Variants in CNTN4 observed in about 807,000 individuals in gnomAD.
The protein encoded by CNTN4 is contactin 4, also known as contactin-4.
Under a neutral mutation model 122.5 loss-of-function variants are expected in CNTN4, and 77 were observed. The observed-to-expected ratio is 0.63, with a 90% confidence interval of 0.52 to 0.76. The LOEUF (loss-of-function observed/expected upper bound fraction) is 0.76. Ranked by LOEUF, CNTN4 falls within the 30% of genes least tolerant of loss-of-function variation. The probability of loss-of-function intolerance (pLI) is 0.00; values close to 1 mark genes in which losing one functional copy is unlikely to be tolerated. For synonymous variants in CNTN4, 512 were observed against 447.0 expected, an observed-to-expected ratio of 1.15 and a Z score of -1.83; for missense variants, 1,256 against 1,259.1, an observed-to-expected ratio of 1.00 and a Z score of 0.04.
chr3:2,285,713 C>T (rs2041877523), intron 2 of CNTN4, among the ~76,000 whole-genome samples: 1 of 152,128 alleles, frequency 6.6e-6, no homozygotes. Flanking sequence ...AAGAGATCAT[C>T]ACTAATGTCA....
chr3:2,206,783 A>G (rs1385052231), intron 2 of CNTN4, among the ~76,000 whole-genome samples: 1 of 152,018 alleles, frequency 6.6e-6, no homozygotes, highest in Non-Finnish European at 1.5e-5. Flanking sequence ...TTCATTTTTC[A>G]CATTTAGTCT....
intron 3 of CNTN4, among the ~76,000 whole-genome samples, chr3:2,431,458 G>T (rs2048066964): frequency 6.6e-6 from 1 of 152,164 alleles, no homozygotes; most frequent in Admixed American, 6.5e-5. Flanking sequence ...CATTGAAAAG[G>T]TGCTTTTGAT....
intron 3 of CNTN4, among the ~76,000 whole-genome samples, chr3:2,379,391 A>G (rs2045936545): frequency 6.6e-6 from 1 of 152,144 alleles, no homozygotes; most frequent in Non-Finnish European, 1.5e-5. Flanking sequence ...GATTCTGGGT[A>G]CTGATCCCAC....
At chr3:2,345,755 C>G (rs1566382) in intron 3 of CNTN4, among the ~76,000 whole-genome samples, 74,872 of 151,900 alleles carry the variant, frequency 0.49, 18,668 homozygotes, top group Admixed American at 0.52. Flanking sequence ...AGAAGCAGAG[C>G]TTATAGTTCC....
In CNTN4 at chr3:2,709,355, C is replaced by A. The variant is rs1194274276; in HGVS notation, c.56-26860C>A. ...ATCATCTGGGGGTCCTTAAAAAATA[C>A]TGATGCGTAGGTCTCACGCCTGGTT... On this transcript the variant is annotated intron_variant, in intron 4 of 24. Transcript: ENST00000418658. This position sits in a 1 kb window ranked among gnomAD's most constrained non-coding sequence, Gnocchi z 5.0. Among the ~76,000 whole-genome samples the A allele has an allele frequency of 6.6e-6, 1 of 152,104 alleles. No individual in the cohort carries two copies. Among genetic ancestry groups the A allele is most frequent in the African/African-American group, 2.4e-5 (1 of 41,420 alleles).
intron 6 of CNTN4, among the ~76,000 whole-genome samples, chr3:2,778,014 G>GAGA (rs368955950): frequency 6.6e-6 from 1 of 151,448 alleles, no homozygotes; most frequent in Non-Finnish European, 1.5e-5. Context: ...GGAGATCGAG[G>GAGA]CCATCCTGGC....
intron 2 of CNTN4, among the ~76,000 whole-genome samples, chr3:2,295,214 A>G (rs1338965567): frequency 1.4e-5 from 2 of 140,484 alleles, no homozygotes; most frequent in Non-Finnish European, 3.1e-5. Context: ...GGCTGGGTGA[A>G]ATGGTATTTC....
chr3:2,706,833 C>A (rs958174569), intron 4 of CNTN4, among the ~76,000 whole-genome samples: 2 of 152,102 alleles, frequency 1.3e-5, no homozygotes, highest in African/African-American at 4.8e-5. Context: ...CCTGGTATGA[C>A]CTTGGACAAG....
At chr3:2,430,503 T>G (rs1036497999) in intron 3 of CNTN4, among the ~76,000 whole-genome samples, 3 of 151,648 alleles carry the variant, frequency 2.0e-5, no homozygotes, top group African/African-American at 4.8e-5. Flanking sequence ...GCTGGAGCTG[T>G]TCCTAGTCGG....
intron 2 of CNTN4, among the ~76,000 whole-genome samples, chr3:2,135,254 A>G (rs1191716270): frequency 2.0e-5 from 3 of 152,164 alleles, no homozygotes; most frequent in Non-Finnish European, 4.4e-5. Context: ...AAAGCTCGAG[A>G]CAGGAAGAGA....
chr3:2,196,405 C>G lies in CNTN4; in HGVS notation c.-145+95766C>G, dbSNP rs1037666537. ...AGTATAATCTGAGAACATATTTGTT[C>G]TTTTATTCATTGGTTGGTTGGTTCA... is the stretch of plus-strand genomic sequence containing the variant. On this transcript the variant is annotated intron_variant, in intron 2 of 24. Transcript: ENST00000418658. 2.6e-5 allele frequency among the ~76,000 whole-genome samples: 4 copies of G among 152,220 alleles called. No individual in the cohort carries two copies. In the South Asian group the frequency reaches 8.3e-4, roughly 32 times the overall value.
At chr3:2,302,861 G>GTGC (rs10662266) in intron 2 of CNTN4, among the ~76,000 whole-genome samples, 49,513 of 151,982 alleles carry the variant, frequency 0.33, 9,002 homozygotes, top group East Asian at 0.52. Context: ...CACACTGTAT[G>GTGC]TGCTTCATTA....
Position 2,410,102 on chromosome 3 carries a change from A to C in CNTN4, c.-89+70869A>C, listed in dbSNP as rs78664537. ...TAGCACATGCTGGTTTATGAGGGGAAACAGAATTCAGTGGTGCACATTTAA... is the reference window on the plus strand; with the variant it reads ...TAGCACATGCTGGTTTATGAGGGGACACAGAATTCAGTGGTGCACATTTAA... On this transcript the variant is annotated intron_variant, in intron 3 of 24. Coordinates refer to ENST00000418658, the MANE Select transcript of CNTN4 (RefSeq NM_175607.3). Among the ~76,000 whole-genome samples the C allele has an allele frequency of 3.9e-3, 594 of 152,316 alleles. 4 individuals are homozygous for C. The highest frequency in any genetic ancestry group is 0.014 in the African/African-American group (581 of 41,566).
chr3:2,662,703 C>CTA (rs942657560), intron 4 of CNTN4, among the ~76,000 whole-genome samples: 7 of 152,236 alleles, frequency 4.6e-5, no homozygotes, highest in South Asian at 2.1e-4. Context: ...AAGTAATCAA[C>CTA]TATCTGTTGA....
intron 2 of CNTN4, among the ~76,000 whole-genome samples, chr3:2,178,137 TGGTGTTGAA>T (rs61501923): frequency 0.024 from 3,605 of 152,188 alleles, 133 homozygotes; most frequent in African/African-American, 0.083. Flanking sequence ...TCATGCTGCC[TGGTGTTGAA>T]GGTATTTGTG....
At chr3:2,788,961 TTCTA>T (rs1379140166) in intron 6 of CNTN4, among the ~76,000 whole-genome samples, 1 of 152,226 alleles carries the variant, frequency 6.6e-6, no homozygotes, top group Non-Finnish European at 1.5e-5. Context: ...AAAGTTCTGA[TTCTA>T]TCTGTCTTTT....
At chr3:2,482,622 C>T (rs1181101482) in intron 3 of CNTN4, among the ~76,000 whole-genome samples, 7 of 152,124 alleles carry the variant, frequency 4.6e-5, no homozygotes, top group Admixed American at 4.6e-4. Flanking sequence ...TGAATGGGCC[C>T]AGGGAACCCC....
intron 6 of CNTN4, among the ~76,000 whole-genome samples, chr3:2,816,665 AC>A (rs1348405496): frequency 6.6e-6 from 1 of 151,410 alleles, no homozygotes; most frequent in Non-Finnish European, 1.5e-5. Flanking sequence ...TACTAAAAAT[AC>A]AAAAATTAGC....
At chr3:2,827,081 C>G (rs1337310460) in intron 7 of CNTN4, among the ~76,000 whole-genome samples, 1 of 152,170 alleles carries the variant, frequency 6.6e-6, no homozygotes, top group Non-Finnish European at 1.5e-5. Flanking sequence ...CCCCACGCAT[C>G]ATATCAGACC....
Sources: allele counts gnomAD v4.1 joint callset (sites outside exome capture counted in the v4.1 genomes callset), GRCh38; gene constraint gnomAD v4.1.1; non-coding constraint Gnocchi (gnomAD v3.1); transcripts MANE v1.5; gene names NCBI Gene and HGNC (gene_info 2026-07-23, HGNC 2026-07-21).